RNF180: variants seen among roughly 807,000 people sequenced by gnomAD.
RNF180 encodes E3 ubiquitin-protein ligase RNF180.
A neutral mutation model predicts 59.2 loss-of-function variants in RNF180; 38 were observed. The ratio of observed to expected loss-of-function variants is 0.64; its 90% CI spans 0.50 to 0.84. RNF180 has a LOEUF of 0.84. Among genes scored for constraint, RNF180 ranks in the 40% least tolerant of loss-of-function variants. The probability of loss-of-function intolerance (pLI) is 0.00; values close to 1 mark genes in which losing one functional copy is unlikely to be tolerated. For missense variants in RNF180, 705 were observed against 700.9 expected (o/e 1.01, Z -0.07); for synonymous variants, 262 against 240.3 (o/e 1.09, Z -0.84).
At chr5:64,166,422 C>G (rs561034619) in intron 1 of RNF180, among the ~76,000 whole-genome samples, 2 of 152,308 alleles carry the variant, frequency 1.3e-5, no homozygotes, top group African/African-American at 4.8e-5. Context: ...GTTCCACTTT[C>G]CTTTGTCTAG....
chr5:64,216,988 A>T (rs184802801), intron 4 of RNF180, among the ~76,000 whole-genome samples: 1 of 152,312 alleles, frequency 6.6e-6, no homozygotes, highest in East Asian at 1.9e-4. Context: ...ATACCTTTAT[A>T]ATCACATGCT....
intron 5 of RNF180, among the ~76,000 whole-genome samples, chr5:64,258,566 C>T (rs534727420): frequency 2.6e-5 from 4 of 152,008 alleles, no homozygotes; most frequent in African/African-American, 9.6e-5. Flanking sequence ...GGGTGCTATT[C>T]CCTTGGATTG....
chr5:64,256,823 C>T (rs1743997461), intron 5 of RNF180, among the ~76,000 whole-genome samples: 1 of 152,156 alleles, frequency 6.6e-6, no homozygotes, highest in African/African-American at 2.4e-5. Flanking sequence ...ATTGATTCTT[C>T]CTATCCACAA....
intron 5 of RNF180, among the ~76,000 whole-genome samples, chr5:64,253,542 A>G (rs1244923764): frequency 1.3e-5 from 2 of 152,136 alleles, no homozygotes; most frequent in Non-Finnish European, 2.9e-5. Context: ...TATCACTGAG[A>G]TTGAAATTTT....
At chr5:64,298,327 C>T (rs1333683170) in intron 5 of RNF180, among the ~76,000 whole-genome samples, 1 of 151,882 alleles carries the variant, frequency 6.6e-6, no homozygotes, top group Non-Finnish European at 1.5e-5. Context: ...TGCCTATGTC[C>T]AGGTTGGCAT....
At chr5:64,275,641 G>A (rs1205641154) in intron 5 of RNF180, among the ~76,000 whole-genome samples, 2 of 151,878 alleles carry the variant, frequency 1.3e-5, no homozygotes, top group East Asian at 1.9e-4. Flanking sequence ...TAGAAACTAA[G>A]TCTTAATAAA....
intron 1 of RNF180, among the ~76,000 whole-genome samples, chr5:64,195,866 C>T (rs1751429098): frequency 6.6e-6 from 1 of 152,166 alleles, no homozygotes; most frequent in African/African-American, 2.4e-5. Flanking sequence ...ACAGGGTACA[C>T]TCCCACCATC....
chr5:64,225,399 C>A (rs1262692920), intron 5 of RNF180, among the ~76,000 whole-genome samples: 1 of 142,032 alleles, frequency 7.0e-6, no homozygotes, highest in Non-Finnish European at 1.5e-5. Flanking sequence ...AGCGCCTCTG[C>A]CTGGCCGCCC....
intron 7 of RNF180, among the ~76,000 whole-genome samples, chr5:64,352,592 G>C (rs968339944): frequency 2.6e-5 from 4 of 151,994 alleles, no homozygotes; most frequent in Non-Finnish European, 5.9e-5. Flanking sequence ...AGAGATTCTG[G>C]TATGTTGTGT....
chr5:64,349,236 T>C (rs2112578486), intron 7 of RNF180, among the ~76,000 whole-genome samples: 1 of 152,136 alleles, frequency 6.6e-6, no homozygotes, highest in East Asian at 1.9e-4. Flanking sequence ...AAACTGAGGT[T>C]ACAAATAGAC....
intron 1 of RNF180, among the ~76,000 whole-genome samples, chr5:64,193,349 A>G (rs1048389439): frequency 1.3e-5 from 2 of 152,202 alleles, no homozygotes; most frequent in African/African-American, 4.8e-5. Context: ...GGATATATCA[A>G]GTACCTTGAT....
At chr5:64,237,548 T>C (rs1365590253) in intron 5 of RNF180, among the ~76,000 whole-genome samples, 1 of 152,112 alleles carries the variant, frequency 6.6e-6, no homozygotes, top group African/African-American at 2.4e-5. Flanking sequence ...CTGGAATGAT[T>C]TAAGACTTTG....
chr5:64,290,805 T>C (rs1348713260), intron 5 of RNF180, among the ~76,000 whole-genome samples: 2 of 152,228 alleles, frequency 1.3e-5, no homozygotes, highest in African/African-American at 2.4e-5. Context: ...GACAGCATAC[T>C]GATATGTCTT....
At chr5:64,313,678 G>A (rs1025158776) in intron 5 of RNF180, among the ~76,000 whole-genome samples, 4 of 152,094 alleles carry the variant, frequency 2.6e-5, no homozygotes, top group African/African-American at 9.7e-5. Context: ...TCAATAATGG[G>A]ATTACTGGGT....
rs370660214 is a variant in RNF180, at chr5:64,174,959, C to CTTTTTTTTTTT, written c.-1+9022_-1+9032dup. Among the ~76,000 whole-genome samples, 27 of 84,756 alleles carry CTTTTTTTTTTT rather than the reference C, an allele frequency of 3.2e-4. 4 individuals carry two copies. Among genetic ancestry groups the CTTTTTTTTTTT allele is most frequent in the African/African-American group, 1.3e-3 (27 of 20,262 alleles). The allele number at this position is 84,756 out of a possible 152,430, so 55.6% of individuals were successfully genotyped here. ...TTACATTTAAGTCTTTAATCCAGTT[C>CTTTTTTTTTTT]TTTTTTTTTTTTTTTTTTTTTTTTT... On this transcript the variant is annotated intron_variant, in intron 1 of 7. Coordinates refer to ENST00000389100, the MANE Select transcript of RNF180 (RefSeq NM_001113561.2).
intron 5 of RNF180, among the ~76,000 whole-genome samples, chr5:64,239,063 G>A (rs1742624511): frequency 6.6e-6 from 1 of 152,132 alleles, no homozygotes; most frequent in East Asian, 1.9e-4. Flanking sequence ...TTTTGCTTTT[G>A]GAAAATTTAT....
At chr5:64,286,765 A>G (rs1488946874) in intron 5 of RNF180, among the ~76,000 whole-genome samples, 1 of 152,218 alleles carries the variant, frequency 6.6e-6, no homozygotes, top group Non-Finnish European at 1.5e-5. Flanking sequence ...ATGAATATGA[A>G]TTTCACAAGA....
intron 5 of RNF180, among the ~76,000 whole-genome samples, chr5:64,243,390 T>C (rs1182456677): frequency 6.6e-6 from 1 of 152,140 alleles, no homozygotes; most frequent in Admixed American, 6.5e-5. Flanking sequence ...ACTCTCAAGC[T>C]TGGTCAGGGG....
chr5:64,288,552 G>T (rs771080832), intron 5 of RNF180, among the ~76,000 whole-genome samples: 1 of 152,118 alleles, frequency 6.6e-6, no homozygotes, highest in Non-Finnish European at 1.5e-5. Flanking sequence ...CCTTTAGTTT[G>T]TGTCCTCTTA....
Sources: allele counts gnomAD v4.1 joint callset (sites outside exome capture counted in the v4.1 genomes callset), GRCh38; gene constraint gnomAD v4.1.1; transcripts MANE v1.5; gene names NCBI Gene and HGNC (gene_info 2026-07-23, HGNC 2026-07-21).